Variants in PPM1B observed in about 807,000 individuals in gnomAD.
The protein encoded by PPM1B is protein phosphatase 1B.
A neutral mutation model predicts 43.0 loss-of-function variants in PPM1B; 22 were observed. The observed-to-expected ratio is 0.51, with a 90% confidence interval of 0.37 to 0.73. PPM1B has a LOEUF of 0.73. Among genes scored for constraint, PPM1B ranks in the 30% least tolerant of loss-of-function variants. PPM1B has a pLI of 0.00. For missense variants in PPM1B, 632 were observed against 584.2 expected (o/e 1.08, Z -0.84); for synonymous variants, 217 against 197.9 (o/e 1.10, Z -0.81).
rs560647051 is a variant in PPM1B, at chr2:44,226,541, C to G, written c.1135-3872C>G. ...CTGTATATCAGAATTACCTGTCAGG[C>G]TTTAAAAGAACAACCCAAATCCACT... On this transcript the variant is annotated intron_variant, in intron 5 of 5. Coordinates refer to ENST00000282412, the MANE Select transcript of PPM1B (RefSeq NM_002706.6). Among the ~76,000 whole-genome samples, 7 of 152,194 alleles carry G rather than the reference C, an allele frequency of 4.6e-5. No individual in the cohort carries two copies. In the East Asian group the frequency reaches 5.8e-4, roughly 13 times the overall value.
intron 5 of PPM1B, among the ~76,000 whole-genome samples, chr2:44,225,761 A>G (rs1018880943): frequency 6.6e-6 from 1 of 152,020 alleles, no homozygotes; most frequent in Non-Finnish European, 1.5e-5. Context: ...GGTTCAAGCG[A>G]TTCTCCTGCC....
At chr2:44,170,414 A>G (rs1036772418) in intron 1 of PPM1B, among the ~76,000 whole-genome samples, 2 of 152,230 alleles carry the variant, frequency 1.3e-5, no homozygotes, top group African/African-American at 4.8e-5. Context: ...TTATGTAGCT[A>G]TTTTAGGAAA....
intron 1 of PPM1B, among the ~76,000 whole-genome samples, chr2:44,169,816 T>G (rs1390034910): frequency 6.6e-6 from 1 of 152,198 alleles, no homozygotes; most frequent in Non-Finnish European, 1.5e-5. Context: ...TTCTCTTTTC[T>G]TCGTACCCCG....
chr2:44,189,139 T>TG (rs1668283350), intron 1 of PPM1B, among the ~76,000 whole-genome samples: 1 of 152,102 alleles, frequency 6.6e-6, no homozygotes, highest in Non-Finnish European at 1.5e-5. Context: ...CCCAAAGTGG[T>TG]GGGATTACAG....
chr2:44,212,223 G>A (rs986451507), intron 3 of PPM1B, among the ~76,000 whole-genome samples: 1 of 152,132 alleles, frequency 6.6e-6, no homozygotes, highest in African/African-American at 2.4e-5. Flanking sequence ...TGTCCTGCCT[G>A]CAGCTATACA....
intron 5 of PPM1B, among the ~76,000 whole-genome samples, chr2:44,220,098 T>G (rs1200139662): frequency 1.3e-5 from 2 of 152,016 alleles, no homozygotes; most frequent in Non-Finnish European, 1.5e-5. Context: ...GAGAAGAGAA[T>G]CTTAACTCTT....
intron 3 of PPM1B, among the ~76,000 whole-genome samples, chr2:44,216,952 A>G (rs1380626098): frequency 6.6e-6 from 1 of 151,512 alleles, no homozygotes; most frequent in African/African-American, 2.4e-5. Context: ...GATTAGAGTG[A>G]AAAGTGTTCC....
At chr2:44,180,538 G>A (rs187084649) in intron 1 of PPM1B, among the ~76,000 whole-genome samples, 48 of 152,254 alleles carry the variant, frequency 3.2e-4, no homozygotes, top group African/African-American at 1.0e-3. Context: ...TTAGGTCTCT[G>A]CCAATTTAAT....
intron 1 of PPM1B, among the ~76,000 whole-genome samples, chr2:44,178,463 T>TAG (rs1667694263): frequency 9.9e-6 from 1 of 100,604 alleles, no homozygotes; most frequent in Non-Finnish European, 2.0e-5. Context: ...TATATATATA[T>TAG]ATATATATAT....
intron 5 of PPM1B, among the ~76,000 whole-genome samples, chr2:44,239,890 G>GTT (rs1197511482): frequency 1.2e-5 from 1 of 85,882 alleles, no homozygotes; most frequent in Admixed American, 1.1e-4. Context: ...TTTTGTTTTT[G>GTT]TTTTTGTTTT....
downstream of PPM1B, chr2:44,232,526 C>T (rs532821549): frequency 2.6e-4 from 373 of 1,451,268 alleles, no homozygotes; most frequent in Non-Finnish European, 3.3e-4. Context: ...ACAGTTGCCA[C>T]TTGTAGCATT....
chr2:44,241,128 C>G (rs998961111), intron 5 of PPM1B, among the ~76,000 whole-genome samples: 2 of 143,580 alleles, frequency 1.4e-5, no homozygotes, highest in Admixed American at 6.9e-5. Context: ...CTCAGCGTCC[C>G]AAGTAGCTGG....
At chr2:44,195,719 C>T (rs994010186) in intron 1 of PPM1B, among the ~76,000 whole-genome samples, 3 of 152,182 alleles carry the variant, frequency 2.0e-5, no homozygotes, top group Admixed American at 6.5e-5. Flanking sequence ...TAGTAATCTT[C>T]TCCTTTGAGT....
At chr2:44,232,930 G>A (rs1332537101), downstream of PPM1B, 2 of 977,644 alleles carry the variant, frequency 2.0e-6, no homozygotes, top group African/African-American at 1.8e-5. Flanking sequence ...TTGTAATGTT[G>A]CCTTGCTTCA....
At chr2:44,229,084 AG>A (rs1456335976) in intron 5 of PPM1B, among the ~76,000 whole-genome samples, 6 of 151,848 alleles carry the variant, frequency 4.0e-5, no homozygotes, top group African/African-American at 1.5e-4. Flanking sequence ...CGGGAGGCTG[AG>A]GCAGGAGAAT....
chr2:44,230,265 G>T (rs954779291), intron 5 of PPM1B, 148 bp from the exon 6 acceptor site: 6 of 1,463,780 alleles, frequency 4.1e-6, no homozygotes, highest in Admixed American at 5.2e-5. Context: ...ATTGATACAG[G>T]TAAGAATTGA....
intron 1 of PPM1B, among the ~76,000 whole-genome samples, chr2:44,184,287 G>A (rs896745563): frequency 7.2e-5 from 11 of 152,148 alleles, no homozygotes; most frequent in South Asian, 4.1e-4. Context: ...AGCATTTGAC[G>A]CAGTTTATCA....
downstream of PPM1B, among the ~76,000 whole-genome samples, chr2:44,236,296 G>A (rs1036444596): frequency 1.3e-5 from 2 of 150,682 alleles, no homozygotes; most frequent in Non-Finnish European, 1.5e-5. Flanking sequence ...CTAGCTACTC[G>A]GGAGTTTGAG....
At position 44,209,318 on chromosome 2, in the gene PPM1B, C is replaced by A. The variant is rs757494045; in HGVS notation, c.955C>A (p.Arg319=). The A allele has an allele frequency of 5.0e-6, 8 of 1,613,554 alleles. No individual in the cohort carries two copies. The African/African-American group carries it at 1.1e-4, about 22-fold the overall frequency. The part of the protein sequence containing the change: ...DSELDKHLES[R]VEEIMEKSGE... Reference sequence around the variant, plus strand: ...AGAGTTGGATAAGCACTTGGAATCACGGGTTGAAGGTAAGACAAATGCTTT... The same window carrying A: ...AGAGTTGGATAAGCACTTGGAATCAAGGGTTGAAGGTAAGACAAATGCTTT... Residue 319 remains arginine, a synonymous_variant, in exon 3 of 6, where the codon CGG becomes AGG. Transcript: ENST00000282412.
Sources: allele counts gnomAD v4.1 joint callset (sites outside exome capture counted in the v4.1 genomes callset), GRCh38; gene constraint gnomAD v4.1.1; transcripts MANE v1.5; gene names NCBI Gene and HGNC (gene_info 2026-07-23, HGNC 2026-07-21).